ST6GAL1: variants seen among roughly 807,000 people sequenced by gnomAD.
The protein encoded by ST6GAL1 is beta-galactoside alpha-2,6-sialyltransferase 1.
A neutral mutation model predicts 38.0 loss-of-function variants in ST6GAL1; 20 were observed. The observed-to-expected ratio is 0.53, with a 90% CI of 0.37 to 0.77. The LOEUF is 0.77. Ranked by LOEUF, ST6GAL1 falls within the 30% of genes least tolerant of loss-of-function variation. The probability of loss-of-function intolerance (pLI) is 0.00; values close to 1 mark genes in which losing one functional copy is unlikely to be tolerated. For missense variants in ST6GAL1, 432 were observed against 496.4 expected (o/e 0.87, Z 1.23); for synonymous variants, 196 against 188.2 (o/e 1.04, Z -0.34).
intron 1 of ST6GAL1, among the ~76,000 whole-genome samples, chr3:186,931,837 C>A (rs143487787): frequency 6.1e-4 from 93 of 152,284 alleles, no homozygotes; most frequent in African/African-American, 1.6e-3. Context: ...TAGCTGGGGA[C>A]GTACAATTTT....
At chr3:186,971,775 T>C (rs1212837665) in intron 2 of ST6GAL1, among the ~76,000 whole-genome samples, 1 of 152,240 alleles carries the variant, frequency 6.6e-6, no homozygotes, top group Non-Finnish European at 1.5e-5. Context: ...TTCACTGTGC[T>C]TTCCACCCTG....
intron 3 of ST6GAL1, among the ~76,000 whole-genome samples, chr3:187,040,204 C>T (rs1332394741): frequency 2.6e-5 from 4 of 152,226 alleles, no homozygotes; most frequent in Non-Finnish European, 5.9e-5. Flanking sequence ...ATCTGCTGTG[C>T]TTATCTCACG....
At chr3:186,940,506 C>T (rs1005691442) in intron 1 of ST6GAL1, among the ~76,000 whole-genome samples, 1 of 152,232 alleles carries the variant, frequency 6.6e-6, no homozygotes, top group African/African-American at 2.4e-5. Context: ...CAACCCGTGG[C>T]GTGGGGGCCG....
In ST6GAL1 at chr3:187,052,721, A is replaced by G. The variant is rs58477053; in HGVS notation, c.705+1375A>G. Among the ~76,000 whole-genome samples, 3 of 152,296 alleles carry G rather than the reference A, an allele frequency of 2.0e-5. No homozygotes were observed. The East Asian group carries it at 5.8e-4, about 29-fold the overall frequency. On this transcript the variant is annotated intron_variant, in intron 5 of 7. Coordinates refer to ENST00000169298, the MANE Select transcript of ST6GAL1 (RefSeq NM_173216.2). ...ATTGATGGACCTTTGGGTTGGTTCC[A>G]AGTCTTTGCTATTGTGAATACTGCC...
intron 2 of ST6GAL1, among the ~76,000 whole-genome samples, chr3:187,001,649 C>G (rs1199324803): frequency 6.6e-6 from 1 of 151,700 alleles, no homozygotes; most frequent in Non-Finnish European, 1.5e-5. Context: ...AAGGGCCCAC[C>G]ATATATGTAA....
rs543788040 is a variant in ST6GAL1, at chr3:186,995,463, G to A, written c.-183+31537G>A. On this transcript the variant is annotated intron_variant, in intron 2 of 7. Coordinates refer to ENST00000169298, the MANE Select transcript of ST6GAL1 (RefSeq NM_173216.2). ...GGAGCTTGCAGTGAGCCAAGATTGC[G>A]CCACTGCACTCCAGCCTGGGTGACA... is the stretch of plus-strand genomic sequence containing the variant. Among the ~76,000 whole-genome samples the A allele has an allele frequency of 8.3e-5, 12 of 145,098 alleles. No individual in the cohort carries two copies. The South Asian group carries it at 1.1e-3, about 13-fold the overall frequency.
chr3:186,937,361 C>CACCCGTCGGG (rs1178619043), intron 1 of ST6GAL1, among the ~76,000 whole-genome samples: 4 of 152,180 alleles, frequency 2.6e-5, no homozygotes, highest in Non-Finnish European at 4.4e-5. Flanking sequence ...GTTCAGCCAT[C>CACCCGTCGGG]ACCCGTCGGT....
At chr3:187,047,166 C>T (rs1043938274) in intron 4 of ST6GAL1, among the ~76,000 whole-genome samples, 41 of 151,872 alleles carry the variant, frequency 2.7e-4, no homozygotes, top group Non-Finnish European at 3.7e-4. Context: ...AGGATGGTCT[C>T]GATCTCCTGA....
chr3:186,967,872 A>T (rs1306937899), intron 2 of ST6GAL1, among the ~76,000 whole-genome samples: 1 of 152,250 alleles, frequency 6.6e-6, no homozygotes, highest in Non-Finnish European at 1.5e-5. Context: ...GTGGCAGTAG[A>T]GGCCAGGGTG....
At chr3:186,941,806 A>T (rs1201717035) in intron 1 of ST6GAL1, among the ~76,000 whole-genome samples, 6 of 152,122 alleles carry the variant, frequency 3.9e-5, no homozygotes, top group Non-Finnish European at 8.8e-5. Context: ...AGGTCAGGAG[A>T]TAGAGACCAT....
chr3:187,052,768 G>A (rs868688589), intron 5 of ST6GAL1, among the ~76,000 whole-genome samples: 2 of 152,324 alleles, frequency 1.3e-5, no homozygotes, highest in Middle Eastern at 3.4e-3. Flanking sequence ...ACGTGTGCAT[G>A]TGTCTTTATA....
chr3:186,967,278 G>A (rs546087878), intron 2 of ST6GAL1, among the ~76,000 whole-genome samples: 9 of 152,212 alleles, frequency 5.9e-5, no homozygotes, highest in Non-Finnish European at 8.8e-5. Context: ...TGCAACCTCC[G>A]CCTCCTGGGT....
chr3:187,022,224 A>T (rs533218751), intron 2 of ST6GAL1, among the ~76,000 whole-genome samples: 1 of 152,214 alleles, frequency 6.6e-6, no homozygotes, highest in East Asian at 1.9e-4. Flanking sequence ...AGAGGACACC[A>T]AGCTGGTGTC....
intron 5 of ST6GAL1, among the ~76,000 whole-genome samples, chr3:187,067,147 T>TG (rs1329557804): frequency 5.1e-5 from 7 of 138,352 alleles, no homozygotes; most frequent in Non-Finnish European, 1.1e-4. Flanking sequence ...AGTGCAGTGG[T>TG]GCGATCTTGG....
At chr3:187,003,206 A>G (rs1579313488) in intron 2 of ST6GAL1, among the ~76,000 whole-genome samples, 1 of 152,192 alleles carries the variant, frequency 6.6e-6, no homozygotes. Flanking sequence ...AGCAAAAACA[A>G]TGCCCCAGCT....
intron 2 of ST6GAL1, among the ~76,000 whole-genome samples, chr3:187,017,369 A>G (rs1478905653): frequency 1.3e-5 from 2 of 152,268 alleles, no homozygotes; most frequent in Non-Finnish European, 2.9e-5. Context: ...TCAGGCATCT[A>G]TATTTTAAAA....
chr3:186,944,776 AG>A (rs2108517193), intron 1 of ST6GAL1, among the ~76,000 whole-genome samples: 1 of 152,340 alleles, frequency 6.6e-6, no homozygotes, highest in South Asian at 2.1e-4. Flanking sequence ...GGCCTTCAAA[AG>A]GGTAATTGGA....
At chr3:187,063,809 C>T (rs1452160603) in intron 5 of ST6GAL1, among the ~76,000 whole-genome samples, 1 of 152,232 alleles carries the variant, frequency 6.6e-6, no homozygotes, top group African/African-American at 2.4e-5. Context: ...CCTCCCCCAA[C>T]ACTTCCTGTG....
chr3:187,055,951 G>T (rs987655673), intron 5 of ST6GAL1, among the ~76,000 whole-genome samples: 3 of 152,146 alleles, frequency 2.0e-5, no homozygotes, highest in African/African-American at 7.2e-5. Flanking sequence ...AAGTCTCTTT[G>T]TAGGTCTCTG....
Sources: gnomAD v4.1 joint callset for allele counts (sites outside exome capture counted in the v4.1 genomes callset) on GRCh38, gnomAD v4.1.1 for gene constraint, MANE v1.5 for transcripts, NCBI Gene and HGNC (gene_info 2026-07-23, HGNC 2026-07-21) for gene names.